Variants in MAPKAP1 observed in about 807,000 individuals in gnomAD.
The protein encoded by MAPKAP1 is target of rapamycin complex 2 subunit MAPKAP1.
Under a neutral mutation model 65.7 loss-of-function variants are expected in MAPKAP1, and 20 were observed. The observed-to-expected ratio is 0.30, with a 90% CI of 0.21 to 0.44. MAPKAP1 has a LOEUF of 0.44. MAPKAP1 is among the 20% of genes least tolerant of loss of function. MAPKAP1 has a pLI of 1.00. For synonymous variants in MAPKAP1, 222 were observed against 244.3 expected, an observed-to-expected ratio of 0.91 and a Z score of 0.85; for missense variants, 423 against 648.0, an observed-to-expected ratio of 0.65 and a Z score of 3.77.
At position 125,683,597 on chromosome 9, in the gene MAPKAP1, C is replaced by G. The variant is rs151152474; in HGVS notation, c.-69-10954G>C. On this transcript the variant is annotated intron_variant, in intron 1 of 11. Transcript: ENST00000265960. ...CAAGGAAATGAATTCCACTACCCAA[C>G]CTGAGAGAGATTGGAAGATCTTTCC... Among the ~76,000 whole-genome samples the G allele has an allele frequency of 2.0e-3, 306 of 152,260 alleles. 1 individual carries two copies. The highest frequency in any genetic ancestry group is 7.0e-3 in the African/African-American group (291 of 41,542).
intron 4 of MAPKAP1, among the ~76,000 whole-genome samples, chr9:125,590,244 G>A (rs1320223977): frequency 1.3e-5 from 2 of 152,126 alleles, no homozygotes; most frequent in African/African-American, 4.8e-5. Flanking sequence ...TGCCAGAAAG[G>A]GCGTCTGTGT....
At chr9:125,506,252 G>T in intron 8 of MAPKAP1, 58 bp downstream of exon 8, 1 of 1,444,802 alleles carries the variant, frequency 6.9e-7, no homozygotes, top group South Asian at 1.1e-5. Context: ...CCAAACACAT[G>T]ACTTCTAAGC....
chr9:125,648,966 T>G (rs761528913), intron 4 of MAPKAP1, among the ~76,000 whole-genome samples: 4 of 151,478 alleles, frequency 2.6e-5, no homozygotes, highest in Non-Finnish European at 4.4e-5. Flanking sequence ...AATAAGAAAA[T>G]AAGAATCTCT....
Position 125,577,073 on chromosome 9 carries a change from G to A in MAPKAP1, c.671+8482C>T, listed in dbSNP as rs1303168765. Among the ~76,000 whole-genome samples the A allele has an allele frequency of 3.3e-5, 5 of 150,468 alleles. No homozygotes were observed. In the South Asian group the frequency reaches 6.3e-4, roughly 19 times the overall value. On this transcript the variant is annotated intron_variant, in intron 5 of 11. Transcript: ENST00000265960. ...GGCCGCCATCCCATCTAGGAAGTGAGGAGCGCCTCTTCCCGGCCGCCATCC... is the reference window on the plus strand; with the variant it reads ...GGCCGCCATCCCATCTAGGAAGTGAAGAGCGCCTCTTCCCGGCCGCCATCC...
intron 7 of MAPKAP1, among the ~76,000 whole-genome samples, chr9:125,513,829 C>T (rs1037835619): frequency 3.9e-5 from 6 of 152,144 alleles, no homozygotes; most frequent in South Asian, 4.1e-4. Flanking sequence ...CTCTTTCCCT[C>T]GTGTGTCCAA....
chr9:125,449,073 G>A (rs2132939204), intron 10 of MAPKAP1, among the ~76,000 whole-genome samples: 1 of 150,370 alleles, frequency 6.7e-6, no homozygotes, highest in East Asian at 2.0e-4. Flanking sequence ...AAAATGTAAA[G>A]TTTAATATTC....
intron 1 of MAPKAP1, among the ~76,000 whole-genome samples, chr9:125,693,694 T>C (rs910848176): frequency 4.0e-5 from 5 of 123,902 alleles, no homozygotes; most frequent in Admixed American, 7.9e-5. Context: ...CACGTATATA[T>C]ACACGTATAT....
chr9:125,679,002 CA>C (rs1834739185), intron 1 of MAPKAP1, among the ~76,000 whole-genome samples: 2 of 41,528 alleles, frequency 4.8e-5, no homozygotes, highest in Non-Finnish European at 1.1e-4. Context: ...ATAATAAACA[CA>C]ATTTTTTTTT....
intron 4 of MAPKAP1, among the ~76,000 whole-genome samples, chr9:125,624,480 A>G (rs1421813331): frequency 1.2e-3 from 89 of 74,178 alleles, no homozygotes; most frequent in African/African-American, 2.2e-3. Flanking sequence ...TCCGGGAGGT[A>G]AGGGGCGCCT....
At chr9:125,530,923 A>G (rs189696529) in intron 7 of MAPKAP1, among the ~76,000 whole-genome samples, 9 of 152,362 alleles carry the variant, frequency 5.9e-5, no homozygotes, top group Admixed American at 5.9e-4. Context: ...CTGAGCGCCT[A>G]CTATGGACTA....
At chr9:125,576,470 C>A (rs78002400) in intron 5 of MAPKAP1, among the ~76,000 whole-genome samples, 1 of 151,970 alleles carries the variant, frequency 6.6e-6, no homozygotes, top group African/African-American at 2.4e-5. Flanking sequence ...TTTAAAAAAA[C>A]GAAGCATAGC....
chr9:125,622,432 CTTTTA>C (rs1832932959), intron 4 of MAPKAP1, among the ~76,000 whole-genome samples: 1 of 151,894 alleles, frequency 6.6e-6, no homozygotes, highest in African/African-American at 2.4e-5. Context: ...AATTATTATT[CTTTTA>C]TTTTATATTT....
intron 4 of MAPKAP1, among the ~76,000 whole-genome samples, chr9:125,616,057 A>G (rs1459356309): frequency 6.6e-6 from 1 of 152,226 alleles, no homozygotes; most frequent in African/African-American, 2.4e-5. Flanking sequence ...TTGAAACAGA[A>G]AAGTCCAGGA....
chr9:125,444,138 T>G (rs1852608142), intron 11 of MAPKAP1, among the ~76,000 whole-genome samples: 2 of 152,224 alleles, frequency 1.3e-5, no homozygotes. Flanking sequence ...CAATAATAAT[T>G]TCCTCAGAGT....
At chr9:125,552,713 A>C (rs896799685) in intron 6 of MAPKAP1, among the ~76,000 whole-genome samples, 3 of 152,174 alleles carry the variant, frequency 2.0e-5, no homozygotes, top group African/African-American at 7.2e-5. Flanking sequence ...TAATCACAGC[A>C]GCATTTCCTG....
chr9:125,458,654 C>A (rs1589209823), intron 10 of MAPKAP1, among the ~76,000 whole-genome samples: 1 of 151,030 alleles, frequency 6.6e-6, no homozygotes, highest in South Asian at 2.1e-4. Flanking sequence ...ATTTCTCAAT[C>A]TTTTCCCCAC....
In MAPKAP1 at chr9:125,669,876, T is replaced by A; in HGVS notation, c.291A>T (p.Arg97Ser). The A allele has an allele frequency of 6.3e-7, 1 of 1,599,792 alleles. No individual in the cohort carries two copies. Among genetic ancestry groups the A allele is most frequent in the Non-Finnish European group, 8.5e-7 (1 of 1,171,546 alleles). ...TATTTTTGCATTTGATCTGGTTTTG[T>A]CTCTCTTTTCGGAGTCGTTCTAATC... ...AQRLERLRKE[R>S]QNQIKCKNIQ... Residue 97 changes from arginine (R) to serine (S), a missense_variant, in exon 3 of 12, where the codon AGA (arginine) becomes AGT (serine). Arg to Ser is a moderately radical substitution (Grantham distance 110, BLOSUM62 -1). Transcript: ENST00000265960.
At chr9:125,678,604 A>T (rs998826654) in intron 1 of MAPKAP1, among the ~76,000 whole-genome samples, 1 of 152,160 alleles carries the variant, frequency 6.6e-6, no homozygotes, top group African/African-American at 2.4e-5. Context: ...ATATTCAACA[A>T]ATATTTACTA....
chr9:125,504,659 G>A (rs1829085626), intron 8 of MAPKAP1, among the ~76,000 whole-genome samples: 1 of 152,090 alleles, frequency 6.6e-6, no homozygotes, highest in Non-Finnish European at 1.5e-5. Context: ...CAGGGGTGGT[G>A]GTGCATGCCT....
Sources: gnomAD v4.1 joint callset for allele counts (sites outside exome capture counted in the v4.1 genomes callset) on GRCh38, gnomAD v4.1.1 for gene constraint, MANE v1.5 for transcripts, NCBI Gene and HGNC (gene_info 2026-07-23, HGNC 2026-07-21) for gene names.